Variants in PAM observed in about 807,000 individuals in gnomAD.
PAM encodes peptidyl-glycine alpha-amidating monooxygenase.
Under a neutral mutation model 122.1 loss-of-function variants are expected in PAM, and 72 were observed. The ratio of observed to expected loss-of-function variants is 0.59; its 90% CI spans 0.49 to 0.72. The LOEUF (loss-of-function observed/expected upper bound fraction) is 0.72, where lower values mean the gene tolerates loss of function less well. Among genes scored for constraint, PAM ranks in the 30% least tolerant of loss-of-function variants. The pLI is 0.00. For missense variants in PAM, 1,106 were observed against 1,183.7 expected, an observed-to-expected ratio of 0.93 and a Z score of 0.96; for synonymous variants, 389 against 404.4, an observed-to-expected ratio of 0.96 and a Z score of 0.46.
chr5:102,809,167 G>C (rs1378190054), intron 1 of PAM, among the ~76,000 whole-genome samples: 1 of 151,978 alleles, frequency 6.6e-6, no homozygotes, highest in African/African-American at 2.4e-5. Flanking sequence ...AGTTAGTCTT[G>C]CATTTATTTC....
At chr5:102,832,679 G>A (rs1775812800) in intron 1 of PAM, among the ~76,000 whole-genome samples, 1 of 152,108 alleles carries the variant, frequency 6.6e-6, no homozygotes. Flanking sequence ...AGCAGGGACT[G>A]CTGTACTGCC....
intron 1 of PAM, among the ~76,000 whole-genome samples, chr5:102,840,610 C>A (rs900752599): frequency 6.6e-6 from 1 of 152,096 alleles, no homozygotes; most frequent in Non-Finnish European, 1.5e-5. Context: ...TAATCAATAT[C>A]ATGAATGAAA....
chr5:102,918,660 T>TATCATTTAAAAAATTGATTA (rs1746323644), intron 5 of PAM, among the ~76,000 whole-genome samples: 1 of 152,122 alleles, frequency 6.6e-6, no homozygotes, highest in Admixed American at 6.6e-5. Context: ...ATTAGCTACT[T>TATCATTTAAAAAATTGATTA]AGAGTTTCAG....
At chr5:102,878,278 G>T (rs556587166) in intron 3 of PAM, among the ~76,000 whole-genome samples, 5 of 152,182 alleles carry the variant, frequency 3.3e-5, no homozygotes, top group African/African-American at 1.2e-4. Flanking sequence ...AGCTGAAAAA[G>T]TCCTATCACC....
At chr5:102,762,523 AT>A (rs113674572) in intron 1 of PAM, among the ~76,000 whole-genome samples, 250 of 150,866 alleles carry the variant, frequency 1.7e-3, no homozygotes, top group African/African-American at 5.3e-3. Flanking sequence ...GCAATATTAG[AT>A]TTTTTTTTTC....
intron 1 of PAM, among the ~76,000 whole-genome samples, chr5:102,856,328 A>T (rs760115599): frequency 2.6e-5 from 4 of 152,196 alleles, no homozygotes; most frequent in Non-Finnish European, 4.4e-5. Flanking sequence ...TCCTGAGCTT[A>T]TAAATAAATA....
chr5:102,943,659 C>T (rs951900997), intron 7 of PAM, among the ~76,000 whole-genome samples: 6 of 152,078 alleles, frequency 3.9e-5, no homozygotes, highest in African/African-American at 1.4e-4. Context: ...CTTTAAGAGG[C>T]AACACACTTA....
chr5:102,902,357 A>T (rs1017171761), intron 4 of PAM, among the ~76,000 whole-genome samples: 1 of 151,616 alleles, frequency 6.6e-6, no homozygotes, highest in African/African-American at 2.4e-5. Context: ...TTATTCACAC[A>T]CATTGGTGGC....
intron 7 of PAM, 131 bp from the exon 8 acceptor site, chr5:102,946,700 AAATCAT>A (rs1757151991): frequency 1.6e-6 from 1 of 632,964 alleles, no homozygotes; most frequent in Admixed American, 2.8e-5. Flanking sequence ...AGTACTTAGT[AAATCAT>A]AAAGAACCAT....
At chr5:102,843,519 A>G (rs1316180732) in intron 1 of PAM, among the ~76,000 whole-genome samples, 1 of 152,192 alleles carries the variant, frequency 6.6e-6, no homozygotes, top group Non-Finnish European at 1.5e-5. Context: ...GGAGTTCATC[A>G]AAGCTAAAAA....
intron 7 of PAM, among the ~76,000 whole-genome samples, chr5:102,940,221 G>C (rs910595639): frequency 1.3e-5 from 2 of 151,058 alleles, no homozygotes; most frequent in Admixed American, 1.3e-4. Flanking sequence ...AATTTTATAC[G>C]AGAAATAGTT....
At chr5:102,846,866 C>T (rs997001100) in intron 1 of PAM, among the ~76,000 whole-genome samples, 1 of 152,130 alleles carries the variant, frequency 6.6e-6, no homozygotes, top group African/African-American at 2.4e-5. Context: ...GTCAAGTTGG[C>T]CCTGATTCTA....
intron 1 of PAM, among the ~76,000 whole-genome samples, chr5:102,823,368 A>C (rs776845385): frequency 1.1e-4 from 16 of 152,232 alleles, no homozygotes; most frequent in Non-Finnish European, 5.9e-5. Context: ...GAACTTTTAA[A>C]AAAATAAGTA....
chr5:102,762,524 T>C (rs1003313885), intron 1 of PAM, among the ~76,000 whole-genome samples: 2 of 149,978 alleles, frequency 1.3e-5, no homozygotes, highest in Non-Finnish European at 3.0e-5. Context: ...CAATATTAGA[T>C]TTTTTTTTTC....
At chr5:102,780,599 C>G (rs466798) in intron 1 of PAM, among the ~76,000 whole-genome samples, 57,981 of 151,406 alleles carry the variant, frequency 0.38, 11,402 homozygotes, top group African/African-American at 0.46. Context: ...GTGTACCTCC[C>G]GACTGAACTC....
intron 16 of PAM, among the ~76,000 whole-genome samples, chr5:102,993,033 G>T (rs1049528269): frequency 6.6e-6 from 1 of 152,022 alleles, no homozygotes; most frequent in Admixed American, 6.6e-5. Flanking sequence ...TGGTAACCCT[G>T]ATCAGCCCTT....
intron 4 of PAM, among the ~76,000 whole-genome samples, chr5:102,901,647 G>A (rs926469546): frequency 6.6e-6 from 1 of 151,556 alleles, no homozygotes; most frequent in Non-Finnish European, 1.5e-5. Context: ...GCATGCAGAT[G>A]TTGATGGCCG....
intron 1 of PAM, among the ~76,000 whole-genome samples, chr5:102,770,925 T>C (rs1423844312): frequency 6.6e-6 from 1 of 152,110 alleles, no homozygotes; most frequent in East Asian, 1.9e-4. Flanking sequence ...CTGTAGTCCA[T>C]GAAAAATAGC....
At chr5:102,921,290 A>C (rs186049853) in intron 5 of PAM, among the ~76,000 whole-genome samples, 3 of 152,134 alleles carry the variant, frequency 2.0e-5, no homozygotes, top group African/African-American at 7.2e-5. Flanking sequence ...TACTAGTAAG[A>C]ATAGTAAAAA....
Sources: allele counts gnomAD v4.1 joint callset (sites outside exome capture counted in the v4.1 genomes callset), GRCh38; gene constraint gnomAD v4.1.1; transcripts MANE v1.5; gene names NCBI Gene and HGNC (gene_info 2026-07-23, HGNC 2026-07-21).